SLC4A4: variants seen among roughly 807,000 people sequenced by gnomAD.
SLC4A4 encodes the protein solute carrier family 4 member 4, also known as electrogenic sodium bicarbonate cotransporter 1.
In SLC4A4, 27 loss-of-function variants were observed where a neutral mutation model predicts 111.5. The observed-to-expected ratio is 0.24, with a 90% confidence interval of 0.18 to 0.33. SLC4A4 has a LOEUF of 0.33. SLC4A4 is among the 10% of genes least tolerant of loss of function. The pLI, the probability that SLC4A4 is intolerant of heterozygous loss-of-function variation, is 1.00. For missense variants in SLC4A4, 909 were observed against 1,315.5 expected (o/e 0.69, Z 4.78); for synonymous variants, 443 against 463.4 (o/e 0.96, Z 0.57).
chr4:71,407,643 T>C (rs1720982970), intron 7 of SLC4A4, among the ~76,000 whole-genome samples: 1 of 152,156 alleles, frequency 6.6e-6, no homozygotes, highest in Non-Finnish European at 1.5e-5. Context: ...GAGAAATAAA[T>C]TGGAATGCAA....
chr4:71,085,455 G>A (rs1742133635), intron 1 of SLC4A4, among the ~76,000 whole-genome samples: 1 of 151,988 alleles, frequency 6.6e-6, no homozygotes, highest in African/African-American at 2.4e-5. Flanking sequence ...ATTGCTTTTG[G>A]TGTTTTAGTC....
intron 1 of SLC4A4, among the ~76,000 whole-genome samples, chr4:71,087,574 G>A (rs1189136648): frequency 1.3e-5 from 2 of 151,962 alleles, no homozygotes; most frequent in African/African-American, 2.4e-5. Flanking sequence ...ACACTGCTTT[G>A]AATGTGTCCC....
In SLC4A4 at chr4:71,255,092, A is replaced by C. The variant is rs1721345771; in HGVS notation, c.74-128A>C. Reference sequence around the variant, plus strand: ...TTGGGAGGAAATTTTATTTTTCTAGAGTTTGCCAAATATAGAATGGTAACG... The same window carrying C: ...TTGGGAGGAAATTTTATTTTTCTAGCGTTTGCCAAATATAGAATGGTAACG... On this transcript the variant is annotated intron_variant, in intron 2 of 25. Transcript: ENST00000264485. 6.3e-6 allele frequency: 6 copies of C among 947,410 alleles called. No homozygotes were observed. In the Admixed American group the frequency reaches 1.1e-4, roughly 17 times the overall value. 58.7% of individuals were successfully genotyped at this position (947,410 alleles called of 1,614,324 possible). A position where few individuals can be genotyped will look rare whatever the true frequency, so the allele number is the denominator to read the frequency against.
chr4:71,241,277 T>C (rs1426314210), intron 2 of SLC4A4, among the ~76,000 whole-genome samples: 1 of 152,186 alleles, frequency 6.6e-6, no homozygotes, highest in Non-Finnish European at 1.5e-5. Context: ...ATATTTATAC[T>C]GATAAGAAAA....
rs947934804 is a variant in SLC4A4, at chr4:71,569,417, G to A, written c.*1666G>A. 2.0e-5 allele frequency: 3 copies of A among 151,398 alleles called. No homozygotes were observed. The highest frequency in any genetic ancestry group is 4.8e-5 in the African/African-American group (2 of 41,370). The allele number at this position is 151,398 out of a possible 1,614,324, so 9.4% of individuals were successfully genotyped here. A position where few individuals can be genotyped will look rare whatever the true frequency, so the allele number is the denominator to read the frequency against. On this transcript the variant is annotated 3_prime_UTR_variant, in exon 26 of 26. Coordinates refer to ENST00000264485, the MANE Select transcript of SLC4A4 (RefSeq NM_001098484.3). ...GCAAAGGCAATTATTCTTTGTAAGCGGGACATTTAGAATATATTTGTGTAC... is the reference window on the plus strand; with the variant it reads ...GCAAAGGCAATTATTCTTTGTAAGCAGGACATTTAGAATATATTTGTGTAC...
rs1320039926 is a variant in SLC4A4 at position 71,527,034 on chromosome 4, A to G, written c.2167-5028A>G. 3.3e-5 allele frequency among the ~76,000 whole-genome samples: 5 copies of G among 152,106 alleles called. No individual in the cohort carries two copies. In the East Asian group the frequency reaches 5.8e-4, roughly 18 times the overall value. On this transcript the variant is annotated intron_variant, in intron 16 of 25. Transcript: ENST00000264485. ...CTAAACTAGTGGATTGGCAACATTA[A>G]TTTTCTCTGCAACCTTAATTTGCCC...
At chr4:71,278,191 A>G (rs1272705346) in intron 3 of SLC4A4, among the ~76,000 whole-genome samples, 1 of 151,892 alleles carries the variant, frequency 6.6e-6, no homozygotes, top group Admixed American at 6.6e-5. Context: ...AGTGAGTTAT[A>G]CAGTCTTTGT....
chr4:71,246,772 A>C (rs145949427), intron 2 of SLC4A4, among the ~76,000 whole-genome samples: 1 of 151,972 alleles, frequency 6.6e-6, no homozygotes, highest in Non-Finnish European at 1.5e-5. Flanking sequence ...GGAGGATGGG[A>C]GGGATGGGTG....
chr4:71,510,246 G>GAAGCA (rs1222469322), intron 16 of SLC4A4, among the ~76,000 whole-genome samples: 2 of 152,178 alleles, frequency 1.3e-5, no homozygotes, highest in Non-Finnish European at 2.9e-5. Context: ...ATAGTGTGAC[G>GAAGCA]AAGCAGAAGG....
chr4:71,404,454 G>A (rs546104939), intron 7 of SLC4A4, among the ~76,000 whole-genome samples: 8 of 152,324 alleles, frequency 5.3e-5, no homozygotes, highest in Admixed American at 2.6e-4. Context: ...CAAAGAAATT[G>A]TAGCTATTGC....
intron 1 of SLC4A4, among the ~76,000 whole-genome samples, chr4:71,192,156 T>G (rs1459650488): frequency 6.6e-6 from 1 of 152,186 alleles, no homozygotes; most frequent in Non-Finnish European, 1.5e-5. Flanking sequence ...CTTAATACTA[T>G]TTGCAAGTAA....
intron 2 of SLC4A4, among the ~76,000 whole-genome samples, chr4:71,252,450 C>G (rs1229991383): frequency 2.6e-5 from 4 of 152,136 alleles, no homozygotes. Flanking sequence ...AACCATGGAA[C>G]TATGTTCCTT....
At chr4:71,077,327 A>C (rs1741861806) in intron 1 of SLC4A4, among the ~76,000 whole-genome samples, 1 of 151,766 alleles carries the variant, frequency 6.6e-6, no homozygotes, top group Non-Finnish European at 1.5e-5. Context: ...TGCTCGGCTA[A>C]TTTTTGTATT....
chr4:71,504,926 G>A (rs1466982531), intron 16 of SLC4A4, among the ~76,000 whole-genome samples: 1 of 152,016 alleles, frequency 6.6e-6, no homozygotes, highest in East Asian at 1.9e-4. Flanking sequence ...TTTTCTGAAT[G>A]TATCCATGTG....
rs2364538 is a variant in SLC4A4 at position 71,536,496 on chromosome 4, T to G, written c.2442+2108T>G. ...TATATATATATATATATGTATATAT[T>G]TATTTATTTATTTATTTTTAGACAG... On this transcript the variant is annotated intron_variant, in intron 18 of 25. Transcript: ENST00000264485. Among the ~76,000 whole-genome samples, 22 of 34,842 alleles carry G rather than the reference T, an allele frequency of 6.3e-4. 3 individuals are homozygous for G. Among genetic ancestry groups the G allele is most frequent in the Admixed American group, 5.2e-3 (16 of 3,078 alleles). 22.9% of individuals were successfully genotyped at this position (34,842 alleles called of 152,430 possible). A position where few individuals can be genotyped will look rare whatever the true frequency, so the allele number is the denominator to read the frequency against.
At chr4:71,141,860 G>T (rs974099529) in intron 2 of SLC4A4, among the ~76,000 whole-genome samples, 1 of 152,218 alleles carries the variant, frequency 6.6e-6, no homozygotes, top group African/African-American at 2.4e-5. Context: ...AGCTTGGCTT[G>T]AATCAATGTT....
At chr4:71,187,598 G>C (rs995028090) in intron 1 of SLC4A4, among the ~76,000 whole-genome samples, 197 bp downstream of exon 1, 1 of 152,200 alleles carries the variant, frequency 6.6e-6, no homozygotes, top group Non-Finnish European at 1.5e-5. Flanking sequence ...GGCTGCTTCC[G>C]CGGAAAAGTA....
At chr4:71,223,171 T>C (rs1365096132) in intron 1 of SLC4A4, among the ~76,000 whole-genome samples, 2 of 152,036 alleles carry the variant, frequency 1.3e-5, no homozygotes, top group Middle Eastern at 3.2e-3. Context: ...TGTTTTGCAC[T>C]GATACTCTTT....
intron 8 of SLC4A4, among the ~76,000 whole-genome samples, chr4:71,444,406 G>A (rs530161983): frequency 1.2e-4 from 19 of 152,246 alleles, no homozygotes; most frequent in African/African-American, 4.3e-4. Context: ...ATTAAAAATT[G>A]TAACTCTGAC....
Sources: gnomAD v4.1 joint callset for allele counts (sites outside exome capture counted in the v4.1 genomes callset) on GRCh38, gnomAD v4.1.1 for gene constraint, MANE v1.5 for transcripts, NCBI Gene and HGNC (gene_info 2026-07-23, HGNC 2026-07-21) for gene names.